Variants in CDH8 observed in about 807,000 individuals in gnomAD.
CDH8 encodes the protein cadherin 8.
CDH8 carries 17 observed loss-of-function variants against 68.1 expected under a neutral mutation model. The ratio of observed to expected loss-of-function variants is 0.25; its 90% CI spans 0.17 to 0.37. The LOEUF is 0.37. Ranked by LOEUF, CDH8 falls within the 10% of genes least tolerant of loss-of-function variation. The pLI is 1.00. For synonymous variants in CDH8, 372 were observed against 365.1 expected, an observed-to-expected ratio of 1.02 and a Z score of -0.21; for missense variants, 763 against 999.3, an observed-to-expected ratio of 0.76 and a Z score of 3.19.
At chr16:61,877,745 T>C (rs1005240358) in intron 3 of CDH8, among the ~76,000 whole-genome samples, 2 of 152,082 alleles carry the variant, frequency 1.3e-5, no homozygotes, top group South Asian at 2.1e-4. Flanking sequence ...AGAGAGAATA[T>C]GTGTGTGTCT....
rs545162678 is a variant in CDH8, at chr16:61,968,184, G to A, written c.252+52968C>T. Among the ~76,000 whole-genome samples the A allele has an allele frequency of 8.5e-5, 13 of 152,320 alleles. No individual in the cohort carries two copies. In the South Asian group the frequency reaches 2.5e-3, roughly 29 times the overall value. ...GGAGGGTAGTTTTATGCAAATTCCT[G>A]TGATCCACTTCCAAAAAATTACAAA... On this transcript the variant is annotated intron_variant, in intron 2 of 11. Transcript: ENST00000577390.
chr16:61,824,833 A>C (rs1046565422), intron 5 of CDH8, among the ~76,000 whole-genome samples, 179 bp downstream of exon 5: 1 of 151,966 alleles, frequency 6.6e-6, no homozygotes, highest in Non-Finnish European at 1.5e-5. Flanking sequence ...AAATGGTATC[A>C]ACTGTTTTGT....
intron 10 of CDH8, among the ~76,000 whole-genome samples, chr16:61,694,707 T>A (rs527380543): frequency 6.6e-6 from 1 of 152,210 alleles, no homozygotes; most frequent in African/African-American, 2.4e-5. Context: ...CTATAATAAT[T>A]AGGAAACATT....
At chr16:61,837,105 T>C (rs145321595) in intron 4 of CDH8, among the ~76,000 whole-genome samples, 29 of 151,992 alleles carry the variant, frequency 1.9e-4, no homozygotes, top group African/African-American at 6.0e-4. Flanking sequence ...CTTGCCTCTT[T>C]CCTCACATTT....
intron 2 of CDH8, among the ~76,000 whole-genome samples, chr16:62,004,613 T>C (rs960864468): frequency 5.9e-5 from 9 of 152,366 alleles, no homozygotes; most frequent in East Asian, 1.9e-4. Context: ...CGTTTTCTAA[T>C]TCTGTATAAA....
At chr16:61,905,355 A>C (rs896547653) in intron 2 of CDH8, among the ~76,000 whole-genome samples, 7 of 152,176 alleles carry the variant, frequency 4.6e-5, no homozygotes, top group Non-Finnish European at 8.8e-5. Flanking sequence ...ACAGAAACAA[A>C]TAAACAGAAA....
intron 8 of CDH8, among the ~76,000 whole-genome samples, chr16:61,732,986 A>G (rs769110084): frequency 2.6e-5 from 4 of 151,848 alleles, no homozygotes; most frequent in Non-Finnish European, 4.4e-5. Context: ...AAAGATTACT[A>G]TAACAAAAGC....
In CDH8 at chr16:61,648,131, C is replaced by G; in HGVS notation, c.*5477G>C. The G allele has an allele frequency of 3.2e-6, 1 of 308,534 alleles. No individual in the cohort carries two copies. The highest frequency in any genetic ancestry group is 5.9e-6 in the Non-Finnish European group (1 of 168,664). 19.1% of individuals were successfully genotyped at this position (308,534 alleles called of 1,614,324 possible). A position where few individuals can be genotyped will look rare whatever the true frequency, so the allele number is the denominator to read the frequency against. ...ACAACATTACAACTCAGGAGATGAC[C>G]CCAAATACCAGCATGTAATTTCTGT... is the stretch of plus-strand genomic sequence containing the variant. On this transcript the variant is annotated 3_prime_UTR_variant, in exon 12 of 12. Transcript: ENST00000577390.
At chr16:61,875,787 C>T (rs1324734509) in intron 3 of CDH8, among the ~76,000 whole-genome samples, 1 of 152,088 alleles carries the variant, frequency 6.6e-6, no homozygotes, top group Non-Finnish European at 1.5e-5. Context: ...ATAAATCTCC[C>T]GTTTTCATCC....
Position 62,007,284 on chromosome 16 carries a change from C to T in CDH8, c.252+13868G>A, listed in dbSNP as rs150674164. Among the ~76,000 whole-genome samples, 938 of 152,298 alleles carry T rather than the reference C, an allele frequency of 6.2e-3. 6 individuals carry two copies. Among genetic ancestry groups the T allele is most frequent in the East Asian group, 0.044 (227 of 5,182 alleles). On this transcript the variant is annotated intron_variant, in intron 2 of 11. Transcript: ENST00000577390. ...ACCCATATACCTTTTCTACCTCCCA[C>T]GTCTCTTCTAAGCTGATGTCATAGT...
At chr16:61,873,829 G>T (rs1173718163) in intron 3 of CDH8, among the ~76,000 whole-genome samples, 1 of 152,162 alleles carries the variant, frequency 6.6e-6, no homozygotes, top group African/African-American at 2.4e-5. Flanking sequence ...GCCAAGGCAG[G>T]TGGATCACCT....
At chr16:61,831,144 A>C (rs942670948) in intron 4 of CDH8, among the ~76,000 whole-genome samples, 1 of 151,768 alleles carries the variant, frequency 6.6e-6, no homozygotes, top group African/African-American at 2.4e-5. Flanking sequence ...CAGATGAGAG[A>C]ATACAAATGA....
intron 4 of CDH8, among the ~76,000 whole-genome samples, chr16:61,828,015 T>G (rs1962378683): frequency 6.6e-6 from 1 of 151,782 alleles, no homozygotes; most frequent in Admixed American, 6.6e-5. Flanking sequence ...TGAGCTGCAT[T>G]CCCAGACAGT....
rs118058586 is a variant in CDH8 at position 61,752,156 on chromosome 16, A to G, written c.1415-24941T>C. Among the ~76,000 whole-genome samples the G allele has an allele frequency of 2.5e-3, 381 of 152,250 alleles. 1 individual carries two copies. Among genetic ancestry groups the G allele is most frequent in the Non-Finnish European group, 4.4e-3 (300 of 68,006 alleles). ...AAACAAATAAATCAGAATAAGGAGGATCTGGTACTTGTGGGGATCAGGGTA... is the reference window on the plus strand; with the variant it reads ...AAACAAATAAATCAGAATAAGGAGGGTCTGGTACTTGTGGGGATCAGGGTA... On this transcript the variant is annotated intron_variant, in intron 8 of 11. Coordinates refer to ENST00000577390, the MANE Select transcript of CDH8 (RefSeq NM_001796.5).
At chr16:61,843,857 A>G (rs995438987) in intron 4 of CDH8, among the ~76,000 whole-genome samples, 1 of 152,042 alleles carries the variant, frequency 6.6e-6, no homozygotes, top group African/African-American at 2.4e-5. Flanking sequence ...CAACAGTGTA[A>G]AAGTGTTCCT....
intron 8 of CDH8, among the ~76,000 whole-genome samples, chr16:61,737,451 T>C (rs1274333789): frequency 6.6e-6 from 1 of 152,040 alleles, no homozygotes; most frequent in East Asian, 1.9e-4. Context: ...ATTGAATATA[T>C]CATGGAAATA....
At chr16:61,761,405 T>C (rs1489955977) in intron 8 of CDH8, among the ~76,000 whole-genome samples, 1 of 152,204 alleles carries the variant, frequency 6.6e-6, no homozygotes, top group East Asian at 1.9e-4. Context: ...TTTATAGTCT[T>C]TGATGATAAC....
At chr16:61,992,126 T>TC (rs1965735739) in intron 2 of CDH8, among the ~76,000 whole-genome samples, 1 of 110,282 alleles carries the variant, frequency 9.1e-6, no homozygotes, top group Non-Finnish European at 2.3e-5. Context: ...GGAAATGTAC[T>TC]CTTTTTTGGG....
intron 10 of CDH8, among the ~76,000 whole-genome samples, chr16:61,670,554 T>G (rs1200751899): frequency 6.6e-6 from 1 of 152,100 alleles, no homozygotes; most frequent in South Asian, 2.1e-4. Flanking sequence ...TTTTAAAAAT[T>G]AAGTCCCTAC....
Sources: gnomAD v4.1 joint callset for allele counts (sites outside exome capture counted in the v4.1 genomes callset) on GRCh38, gnomAD v4.1.1 for gene constraint, MANE v1.5 for transcripts, NCBI Gene and HGNC (gene_info 2026-07-23, HGNC 2026-07-21) for gene names.